The following PJA2 variants were observed in gnomAD, a reference collection of about 807,000 sequenced individuals.
The protein encoded by PJA2 is E3 ubiquitin-protein ligase Praja-2.
PJA2 carries 25 observed loss-of-function variants against 69.3 expected under a neutral mutation model. The observed-to-expected ratio is 0.36, with a 90% CI of 0.26 to 0.50. The LOEUF (loss-of-function observed/expected upper bound fraction) is 0.50. Among genes scored for constraint, PJA2 ranks in the 20% least tolerant of loss-of-function variants. The pLI, the probability that PJA2 is intolerant of heterozygous loss-of-function variation, is 0.96. For missense variants in PJA2, 809 were observed against 830.2 expected, an observed-to-expected ratio of 0.97 and a Z score of 0.31; for synonymous variants, 308 against 277.8, an observed-to-expected ratio of 1.11 and a Z score of -1.08.
At chr5:109,389,483 A>G (rs949130596) in intron 1 of PJA2, among the ~76,000 whole-genome samples, 5 of 151,996 alleles carry the variant, frequency 3.3e-5, no homozygotes, top group African/African-American at 1.2e-4. Context: ...ATCTGTAGTG[A>G]AGTCTCTTTT....
rs1158315240 is a variant in PJA2, at chr5:109,334,977, A to T, written c.*2254T>A. On this transcript the variant is annotated 3_prime_UTR_variant, in exon 10 of 10. Coordinates refer to ENST00000361189, the MANE Select transcript of PJA2 (RefSeq NM_014819.5). ...AGCATTCATATTATAAGAAATAAGA[A>T]AATGTTAAAAAAATAAAATTAGGTT... The T allele has an allele frequency of 3.9e-5, 6 of 152,622 alleles. No homozygotes were observed. Among genetic ancestry groups the T allele is most frequent in the Non-Finnish European group, 8.8e-5 (6 of 68,038 alleles). The allele number at this position is 152,622 out of a possible 1,614,324, so 9.5% of individuals were successfully genotyped here.
In PJA2 at chr5:109,345,846, CA is replaced by C. The variant is rs563262429; in HGVS notation, c.1765-1028del. On this transcript the variant is annotated intron_variant, in intron 7 of 9. Transcript: ENST00000361189. Reference sequence around the variant, plus strand: ...CATTTACAGGTTCAAATATCTGTGTCAAATTACTGTTCTAAGAAGGATGGAA... The same window carrying C: ...CATTTACAGGTTCAAATATCTGTGTCAATTACTGTTCTAAGAAGGATGGAA... 2.7e-3 allele frequency among the ~76,000 whole-genome samples: 404 copies of C among 152,294 alleles called. 2 individuals carry two copies. Among genetic ancestry groups the C allele is most frequent in the African/African-American group, 9.5e-3 (394 of 41,556 alleles).
intron 6 of PJA2, among the ~76,000 whole-genome samples, chr5:109,359,810 A>G (rs1221115771): frequency 6.6e-6 from 1 of 152,206 alleles, no homozygotes; most frequent in African/African-American, 2.4e-5. Flanking sequence ...AGGTTTGTAG[A>G]TTATATAATA....
At position 109,379,223 on chromosome 5, in the gene PJA2, A is replaced by G. The variant is rs1746981199; in HGVS notation, c.264T>C (p.Ser88=). 6.2e-7 allele frequency: 1 copy of G among 1,612,750 alleles called. No homozygotes were observed. Among genetic ancestry groups the G allele is most frequent in the Non-Finnish European group, 8.5e-7 (1 of 1,179,512 alleles). The change falls in exon 4 of 10, where the codon TCT becomes TCC. Residue 88 remains serine, a synonymous_variant. Coordinates refer to ENST00000361189, the MANE Select transcript of PJA2 (RefSeq NM_014819.5). ...GSSPLDQVDS[S]LPSEPIFEKS... is the part of the protein sequence containing the mutation. The stretch of plus-strand genomic sequence containing the variant: ...TTTCAAATATAGGTTCACTGGGTAA[A>G]GAAGAATCAACTTGATCCAAAGGAC...
Position 109,354,496 on chromosome 5 carries a change from TATC to T in PJA2, c.1764+1416_1764+1418del, listed in dbSNP as rs1207732590. 3.1e-4 allele frequency among the ~76,000 whole-genome samples: 42 copies of T among 133,424 alleles called. 3 individuals carry two copies. Among genetic ancestry groups the T allele is most frequent in the Non-Finnish European group, 6.5e-4 (40 of 61,706 alleles). 87.5% of individuals were successfully genotyped at this position (133,424 alleles called of 152,430 possible). On this transcript the variant is annotated intron_variant, in intron 7 of 9. Coordinates refer to ENST00000361189, the MANE Select transcript of PJA2 (RefSeq NM_014819.5). ...ATATCTATAGATTAGATATCTATAA[TATC>T]ATAGATATCTATATCGATATTAGAT...
intron 7 of PJA2, among the ~76,000 whole-genome samples, chr5:109,354,648 T>A (rs1226260591): frequency 1.4e-5 from 2 of 147,062 alleles, no homozygotes; most frequent in Non-Finnish European, 3.0e-5. Context: ...ATATATGTTA[T>A]ATATCTAATA....
In PJA2 at chr5:109,337,228, G is replaced by C; in HGVS notation, c.*3C>G. 6.2e-7 allele frequency: 1 copy of C among 1,613,146 alleles called. No homozygotes were observed. On this transcript the variant is annotated 3_prime_UTR_variant, in exon 10 of 10. Transcript: ENST00000361189. ...ACACTGATCTCATTTCAACTGTCAAGGTTTAGGGTGCTTCTGCAATACTGT... is the reference window on the plus strand; with the variant it reads ...ACACTGATCTCATTTCAACTGTCAACGTTTAGGGTGCTTCTGCAATACTGT...
intron 1 of PJA2, among the ~76,000 whole-genome samples, chr5:109,386,196 A>G (rs544113683): frequency 6.6e-6 from 1 of 152,302 alleles, no homozygotes; most frequent in South Asian, 2.1e-4. Context: ...CTTAACCTAT[A>G]GCAGAAAAAA....
intron 9 of PJA2, among the ~76,000 whole-genome samples, chr5:109,341,755 C>T (rs1301131508): frequency 1.9e-4 from 12 of 61,946 alleles, no homozygotes; most frequent in Non-Finnish European, 3.5e-4. Flanking sequence ...CCCGGCCAGC[C>T]GCCCCGTCCG....
chr5:109,347,055 A>G (rs1341331547), intron 7 of PJA2, among the ~76,000 whole-genome samples: 1 of 152,236 alleles, frequency 6.6e-6, no homozygotes, highest in Non-Finnish European at 1.5e-5. Flanking sequence ...CCTTGGGCCA[A>G]GCCCAAAGCA....
chr5:109,353,551 A>C (rs1762321106), intron 7 of PJA2, among the ~76,000 whole-genome samples: 1 of 139,652 alleles, frequency 7.2e-6, no homozygotes, highest in Non-Finnish European at 1.5e-5. Context: ...AGATATCTAT[A>C]TATTAGATAT....
intron 1 of PJA2, among the ~76,000 whole-genome samples, chr5:109,392,852 T>G (rs1037825841): frequency 6.6e-6 from 1 of 152,058 alleles, no homozygotes; most frequent in Non-Finnish European, 1.5e-5. Context: ...AATGCAAAAC[T>G]CAATTCCAAA....
rs3805438 is a variant in PJA2 at position 109,368,258 on chromosome 5, A to G, written c.1469+303T>C. Among the ~76,000 whole-genome samples the G allele has an allele frequency of 0.032, 4,934 of 152,286 alleles. 399 individuals carry two copies. The East Asian group carries it at 0.33, about 10-fold the overall frequency. On this transcript the variant is annotated intron_variant, in intron 5 of 9. Transcript: ENST00000361189. ...TCTTGAGGCTGTCCTTTCTCCCTTG[A>G]GCAATGACAGTGCTAATTCACCCAT...
intron 4 of PJA2, among the ~76,000 whole-genome samples, chr5:109,376,892 A>C (rs1409424195): frequency 6.6e-6 from 1 of 152,136 alleles, no homozygotes; most frequent in African/African-American, 2.4e-5. Flanking sequence ...AAATATACAA[A>C]TATTTGAAAA....
At chr5:109,349,938 T>A (rs1762221949) in intron 7 of PJA2, among the ~76,000 whole-genome samples, 1 of 152,210 alleles carries the variant, frequency 6.6e-6, no homozygotes, top group African/African-American at 2.4e-5. Context: ...GCTATAATTA[T>A]GAATCTCCTC....
intron 9 of PJA2, among the ~76,000 whole-genome samples, chr5:109,343,964 G>A (rs181828540): frequency 2.0e-5 from 3 of 152,084 alleles, no homozygotes; most frequent in African/African-American, 4.8e-5. Flanking sequence ...GAGCTTGGTG[G>A]TGGGTGCCTG....
At chr5:109,381,160 C>A (rs1190396493) in intron 3 of PJA2, among the ~76,000 whole-genome samples, 4 of 151,324 alleles carry the variant, frequency 2.6e-5, no homozygotes, top group African/African-American at 9.7e-5. Context: ...ATATTATATG[C>A]AGGGAAAAAA....
intron 1 of PJA2, among the ~76,000 whole-genome samples, chr5:109,402,493 C>A (rs892248543): frequency 1.3e-5 from 2 of 152,012 alleles, no homozygotes; most frequent in African/African-American, 4.8e-5. Context: ...TTTAACAATC[C>A]TAAATTTACA....
At chr5:109,382,676 C>T (rs910870100) in intron 2 of PJA2, among the ~76,000 whole-genome samples, 1 of 151,994 alleles carries the variant, frequency 6.6e-6, no homozygotes, top group Admixed American at 6.6e-5. Context: ...GGCGAAACCC[C>T]GTCTCTACTA....
Sources: gnomAD v4.1 joint callset for allele counts (sites outside exome capture counted in the v4.1 genomes callset) on GRCh38, gnomAD v4.1.1 for gene constraint, MANE v1.5 for transcripts, NCBI Gene and HGNC (gene_info 2026-07-23, HGNC 2026-07-21) for gene names.